NSD2: variants seen among roughly 807,000 people sequenced by gnomAD.
The protein encoded by NSD2 is histone-lysine N-methyltransferase NSD2.
A neutral mutation model predicts 139.0 loss-of-function variants in NSD2; 12 were observed. That is an observed-to-expected ratio of 0.09 (90% CI 0.06 to 0.14). The LOEUF (loss-of-function observed/expected upper bound fraction) is 0.14, where lower values mean the gene tolerates loss of function less well. NSD2 is among the 10% of genes least tolerant of loss of function. The pLI is 1.00. For synonymous variants in NSD2, 669 were observed against 648.7 expected (o/e 1.03, Z -0.48); for missense variants, 1,155 against 1,745.0 (o/e 0.66, Z 6.02).
intron 18 of NSD2, among the ~76,000 whole-genome samples, chr4:1,968,891 C>T (rs1321970076): frequency 6.6e-6 from 1 of 152,232 alleles, no homozygotes; most frequent in Non-Finnish European, 1.5e-5. Flanking sequence ...ATGTGATTCA[C>T]AGCCAAACAA....
At position 1,901,000 on chromosome 4, in the gene NSD2, C is replaced by T. The variant is rs564864503; in HGVS notation, c.346C>T (p.Pro116Ser). The change falls in exon 2 of 22, where the codon CCT becomes TCT. Residue 116 changes from proline to serine, a missense_variant. Pro to Ser is a moderately conservative substitution (Grantham distance 74). Transcript: ENST00000508803. ...GATTGGGACACCCCCTAACACTACCCCTATCAAAAATGGCTCTCCAGAAAT... is the reference window on the plus strand; with the variant it reads ...GATTGGGACACCCCCTAACACTACCTCTATCAAAAATGGCTCTCCAGAAAT... ...KGIGTPPNTTPIKNGSPEIKL... is the reference protein window; with the variant it reads ...KGIGTPPNTTSIKNGSPEIKL... The T allele has an allele frequency of 1.9e-6, 3 of 1,614,162 alleles. No individual in the cohort carries two copies. Among genetic ancestry groups the T allele is most frequent in the East Asian group, 4.5e-5 (2 of 44,870 alleles).
intron 5 of NSD2, among the ~76,000 whole-genome samples, chr4:1,925,770 A>AT (rs1236449757): frequency 6.8e-6 from 1 of 147,694 alleles, no homozygotes; most frequent in Admixed American, 6.6e-5. Flanking sequence ...ATCTATATAT[A>AT]TATTTTTTTT....
Position 1,918,263 on chromosome 4 carries a change from G to A in NSD2, c.1050G>A (p.Gly350=), listed in dbSNP as rs1719671608. 6.2e-7 allele frequency: 1 copy of A among 1,613,906 alleles called. No homozygotes were observed. Among genetic ancestry groups the A allele is most frequent in the African/African-American group, 1.3e-5 (1 of 74,960 alleles). ...CCAAGTTCACCTTTCTCTATGTGGG[G>A]GACCAGCTTCATCTCAACCCTCAAG... ...RKAKFTFLYV[G]DQLHLNPQVA... Residue 350 remains glycine, a synonymous_variant, in exon 5 of 22, where the codon GGG becomes GGA. Coordinates refer to ENST00000508803, the MANE Select transcript of NSD2 (RefSeq NM_001042424.3).
chr4:1,893,555 T>TTTG (rs1553860851), intron 1 of NSD2, among the ~76,000 whole-genome samples: 2,036 of 147,838 alleles, frequency 0.014, 47 homozygotes, highest in African/African-American at 0.049. Context: ...TTTTTTTTTT[T>TTTG]TTTTGTTTTG....
At chr4:1,977,094 A>C (rs1007875040) in intron 21 of NSD2, among the ~76,000 whole-genome samples, 2 of 152,174 alleles carry the variant, frequency 1.3e-5, no homozygotes, top group South Asian at 4.1e-4. Context: ...GCTGCACTAC[A>C]GTGGGAATGG....
chr4:1,894,899 A>G (rs2754197), intron 1 of NSD2, among the ~76,000 whole-genome samples: 2 of 152,088 alleles, frequency 1.3e-5, no homozygotes, highest in African/African-American at 2.4e-5. Context: ...GAACTTTTTC[A>G]TCTTCTCAAA....
chr4:1,980,119 G>T lies in NSD2; in HGVS notation c.*1210G>T, dbSNP rs1727609878. 2 of 233,440 alleles carry T rather than the reference G, an allele frequency of 8.6e-6. No homozygotes were observed. The highest frequency in any genetic ancestry group is 1.7e-5 in the Non-Finnish European group (2 of 118,144). The allele number at this position is 233,440 out of a possible 1,614,324, so 14.5% of individuals were successfully genotyped here. On this transcript the variant is annotated 3_prime_UTR_variant, in exon 22 of 22. Transcript: ENST00000508803. ...CCTGGGGGTGGAGGCCTGCCTGGCA[G>T]GTGTGCGTGCCTCGTACGTGTGTTA...
chr4:1,948,067 C>G lies in NSD2; in HGVS notation c.1882-3005C>G, dbSNP rs1723821439. The G allele has an allele frequency of 2.8e-6, 3 of 1,057,490 alleles. No individual in the cohort carries two copies. Among genetic ancestry groups the G allele is most frequent in the Non-Finnish European group, 3.4e-6 (3 of 874,290 alleles). 65.5% of individuals were successfully genotyped at this position (1,057,490 alleles called of 1,614,324 possible). A position where few individuals can be genotyped will look rare whatever the true frequency, so the allele number is the denominator to read the frequency against. On this transcript the variant is annotated intron_variant, in intron 9 of 21. Transcript: ENST00000508803. This position sits in a 1 kb window ranked among gnomAD's most constrained non-coding sequence, Gnocchi z 4.5. ...GATCAAGGAGACTGCATTCCCTGCC[C>G]TGAAGGAATGTATTTCTAAGGCAAA... is the stretch of plus-strand genomic sequence containing the variant.
intron 9 of NSD2, chr4:1,941,263 T>G (rs1723063073): frequency 9.5e-7 from 1 of 1,057,090 alleles, no homozygotes; most frequent in South Asian, 4.6e-5. Context: ...TTAAAGAGCT[T>G]TTAATGAGTT....
intron 3 of NSD2, among the ~76,000 whole-genome samples, chr4:1,914,177 C>T (rs919426824): frequency 1.3e-5 from 2 of 151,788 alleles, no homozygotes; most frequent in Admixed American, 1.3e-4. Context: ...TGTGTGCCAC[C>T]GTGCCCAGCT....
At chr4:1,892,589 G>A (rs895242836) in intron 1 of NSD2, among the ~76,000 whole-genome samples, 3 of 150,984 alleles carry the variant, frequency 2.0e-5, no homozygotes, top group Admixed American at 1.3e-4. Context: ...TTTTTGAGAC[G>A]GAGTCTTGCC....
At chr4:1,872,601 A>T (rs1054280486) in intron 1 of NSD2, among the ~76,000 whole-genome samples, 40 of 121,508 alleles carry the variant, frequency 3.3e-4, no homozygotes, top group South Asian at 1.1e-3. Context: ...TGAGAGAGAG[A>T]GAGAGAGAGA....
chr4:1,914,792 C>T (rs993866849), intron 3 of NSD2, among the ~76,000 whole-genome samples: 4 of 152,134 alleles, frequency 2.6e-5, no homozygotes, highest in African/African-American at 9.7e-5. Flanking sequence ...CTTCACATAC[C>T]TTGCTATTCT....
intron 9 of NSD2, 124 bp from the exon 10 acceptor site, chr4:1,950,948 A>T (rs1466341516): frequency 7.8e-7 from 1 of 1,286,144 alleles, no homozygotes; most frequent in East Asian, 2.3e-5. Flanking sequence ...CACTGGCGGT[A>T]CAGGACCAGT....
At chr4:1,934,865 AAAAAAAAAAAAAAATAT>A (rs1365384299) in intron 6 of NSD2, among the ~76,000 whole-genome samples, 2 of 102,592 alleles carry the variant, frequency 1.9e-5, no homozygotes, top group African/African-American at 4.3e-5. Context: ...AAAAAAAAAA[AAAAAAAAAAAAAAATAT>A]ATATATATAT....
At position 1,942,666 on chromosome 4, in the gene NSD2, GT is replaced by G; in HGVS notation, c.1881+2889del. The G allele has an allele frequency of 1.3e-5, 15 of 1,161,260 alleles. No homozygotes were observed. Among genetic ancestry groups the G allele is most frequent in the African/African-American group, 1.6e-5 (1 of 63,362 alleles). The allele number at this position is 1,161,260 out of a possible 1,614,324, so 71.9% of individuals were successfully genotyped here. A position where few individuals can be genotyped will look rare whatever the true frequency, so the allele number is the denominator to read the frequency against. ...AATGTAGATTTCAAGTTGAAAGGCAGTCCCTTTAGTTGGGGGCTGTCCAGAG... is the reference window on the plus strand; with the variant it reads ...AATGTAGATTTCAAGTTGAAAGGCAGCCCTTTAGTTGGGGGCTGTCCAGAG... On this transcript the variant is annotated intron_variant, in intron 9 of 21. Transcript: ENST00000508803. The surrounding 1 kb of genome is among the most constrained non-coding windows in gnomAD (Gnocchi z 4.0).
At chr4:1,928,545 A>G (rs1425991458) in intron 5 of NSD2, among the ~76,000 whole-genome samples, 3 of 152,188 alleles carry the variant, frequency 2.0e-5, no homozygotes, top group African/African-American at 7.2e-5. Context: ...TGTTAACCTC[A>G]GATGATGATG....
chr4:1,944,176 G>A (rs1723387890), intron 9 of NSD2: 1 of 1,066,280 alleles, frequency 9.4e-7, no homozygotes, highest in Non-Finnish European at 1.1e-6. Flanking sequence ...ACAGTCCCAT[G>A]TGTGGCAGCA....
intron 1 of NSD2, among the ~76,000 whole-genome samples, chr4:1,882,525 G>A (rs1476980822): frequency 3.9e-5 from 6 of 152,116 alleles, no homozygotes; most frequent in East Asian, 1.9e-4. Context: ...TTATCTGGGC[G>A]TGGTGGCGGG....
Sources: gnomAD v4.1 joint callset for allele counts (sites outside exome capture counted in the v4.1 genomes callset) on GRCh38, gnomAD v4.1.1 for gene constraint, Gnocchi (gnomAD v3.1) non-coding constraint, MANE v1.5 for transcripts, NCBI Gene and HGNC (gene_info 2026-07-23, HGNC 2026-07-21) for gene names.